The following PLEKHM2 variants were observed in gnomAD, a reference collection of about 807,000 sequenced individuals.
PLEKHM2 encodes the protein pleckstrin homology domain-containing family M member 2.
In PLEKHM2, 77 loss-of-function variants were observed where a neutral mutation model predicts 116.3. That is an observed-to-expected ratio of 0.66 (90% CI 0.55 to 0.80). The LOEUF is 0.80. Ranked by LOEUF, PLEKHM2 falls within the 30% of genes least tolerant of loss-of-function variation. The pLI is 0.00. For missense variants in PLEKHM2, 1,183 were observed against 1,354.9 expected (o/e 0.87, Z 1.99); for synonymous variants, 562 against 571.0 (o/e 0.98, Z 0.22).
In PLEKHM2 at chr1:15,727,188, C is replaced by A. The variant is rs567266704; in HGVS notation, c.1116C>A (p.Pro372=). The A allele has an allele frequency of 6.2e-7, 1 of 1,606,000 alleles. No homozygotes were observed. Among genetic ancestry groups the A allele is most frequent in the South Asian group, 1.1e-5 (1 of 89,952 alleles). The change falls in exon 9 of 20, where the codon CCC becomes CCA. Residue 372 remains proline (P), a synonymous_variant. Transcript: ENST00000375799. This position sits in a 1 kb window ranked among gnomAD's most constrained non-coding sequence, Gnocchi z 7.5. ...CGCCAGACACTATGCTTGCCTCCCCCCAGGAGGAGGGAGAGGGGCCGAGCA... is the reference window on the plus strand; with the variant it reads ...CGCCAGACACTATGCTTGCCTCCCCACAGGAGGAGGGAGAGGGGCCGAGCA... ...RDSPDTMLAS[P]QEEGEGPSST...
At chr1:15,722,409 T>G (rs1207818152) in intron 7 of PLEKHM2, among the ~76,000 whole-genome samples, 1 of 152,164 alleles carries the variant, frequency 6.6e-6, no homozygotes, top group Non-Finnish European at 1.5e-5. Flanking sequence ...CCTCTCAAAG[T>G]GTGGGATTAC....
chr1:15,705,010 G>A (rs1473855370), intron 1 of PLEKHM2, among the ~76,000 whole-genome samples: 1 of 151,952 alleles, frequency 6.6e-6, no homozygotes, highest in Non-Finnish European at 1.5e-5. Flanking sequence ...GTTGGGCTGC[G>A]TGGGTGAGGA....
At chr1:15,682,529 G>T (rs78649940), upstream of PLEKHM2, among the ~76,000 whole-genome samples, 26,872 of 151,276 alleles carry the variant, frequency 0.18, 2,492 homozygotes, top group Middle Eastern at 0.24. Context: ...TGAGGCAGGA[G>T]AATCGCTTAA....
chr1:15,693,722 A>G (rs1640934059), intron 1 of PLEKHM2, among the ~76,000 whole-genome samples: 1 of 152,210 alleles, frequency 6.6e-6, no homozygotes, highest in Non-Finnish European at 1.5e-5. Context: ...ATTCCCAGCA[A>G]AACTAAAATT....
intron 1 of PLEKHM2, among the ~76,000 whole-genome samples, chr1:15,700,165 C>A (rs900408088): frequency 4.6e-5 from 7 of 152,138 alleles, no homozygotes; most frequent in Non-Finnish European, 1.0e-4. Context: ...CCTGCAGAGC[C>A]CCATCGCTGA....
chr1:15,730,769 G>A, intron 15 of PLEKHM2, 47 bp downstream of exon 15: 1 of 1,495,158 alleles, frequency 6.7e-7, no homozygotes, highest in Non-Finnish European at 9.1e-7. Flanking sequence ...CCCTGGGGTG[G>A]CTGGGCTGTC....
Position 15,728,519 on chromosome 1 carries a change from T to TG in PLEKHM2, c.1922-146dup. The TG allele has an allele frequency of 2.1e-6, 2 of 944,366 alleles. No individual in the cohort carries two copies. Among genetic ancestry groups the TG allele is most frequent in the South Asian group, 3.1e-5 (2 of 64,324 alleles). 58.5% of individuals were successfully genotyped at this position (944,366 alleles called of 1,614,324 possible). ...TGCCAGCAGCCCTGAGACGTGAGCC[T>TG]GGGGCTCCCTCTGTGAGCACTCCAC... On this transcript the variant is annotated intron_variant, in intron 11 of 19. Transcript: ENST00000375799. The surrounding 1 kb of genome is among the most constrained non-coding windows in gnomAD (Gnocchi z 5.9).
At chr1:15,702,708 G>T (rs556109812) in intron 1 of PLEKHM2, among the ~76,000 whole-genome samples, 9 of 145,306 alleles carry the variant, frequency 6.2e-5, no homozygotes, top group Non-Finnish European at 1.0e-4. Flanking sequence ...ATAAGCCACC[G>T]TGCCCAGCCT....
chr1:15,717,803 G>T (rs749982561), intron 3 of PLEKHM2, 90 bp from the exon 4 acceptor site: 2 of 810,592 alleles, frequency 2.5e-6, no homozygotes, highest in Non-Finnish European at 4.1e-6. Context: ...CCCATTACCT[G>T]CTCTTTCTTT....
chr1:15,732,196 G>C, intron 17 of PLEKHM2, 148 bp downstream of exon 17: 1 of 930,756 alleles, frequency 1.1e-6, no homozygotes, highest in Non-Finnish European at 1.6e-6. Context: ...CTGGAGCTCA[G>C]AGGCATCACC....
In PLEKHM2 at chr1:15,732,610, A is replaced by G. The variant is rs1447936371; in HGVS notation, c.2806-2A>G. 8 of 1,599,320 alleles carry G rather than the reference A, an allele frequency of 5.0e-6. No homozygotes were observed. Among genetic ancestry groups the G allele is most frequent in the Non-Finnish European group, 6.8e-6 (8 of 1,172,942 alleles). On this transcript the variant is annotated splice_acceptor_variant, in intron 18 of 19. Transcript: ENST00000375799. LOFTEE classifies it high-confidence loss of function. ...CTCACCCGGGGGCCTGGCTCTCCCT[A>G]GGAGTTCTCCCAGGACAGCCAGCAG... is the stretch of plus-strand genomic sequence containing the variant.
In PLEKHM2 at chr1:15,716,814, G is replaced by T. The variant is rs781052630; in HGVS notation, c.275G>T (p.Arg92Leu). 1.3e-6 allele frequency: 2 copies of T among 1,559,558 alleles called. No homozygotes were observed. Among genetic ancestry groups the T allele is most frequent in the Non-Finnish European group, 1.7e-6 (2 of 1,151,570 alleles). The part of the protein sequence containing the change: ...VLQHVATNLG[R>L]SRAWLYLALN... ...CAGCACGTGGCCACCAACCTGGGGC[G>T]CAGTGAGTAGTCACAAGGAGACGCT... Residue 92 changes from arginine (R) to leucine (L), a missense_variant and splice_region_variant, in exon 3 of 20, where the codon CGC (arginine) becomes CTC (leucine). Physicochemically the swap from Arg to Leu is moderately radical, Grantham distance 102. Around this residue, in one of 3 missense-constraint regions of PLEKHM2, gnomAD observed 217 missense variants for 277.6 expected, o/e 0.78. Transcript: ENST00000375799.
At chr1:15,732,203 C>A in intron 17 of PLEKHM2, 147 bp from the exon 18 acceptor site, 1 of 914,080 alleles carries the variant, frequency 1.1e-6, no homozygotes, top group Non-Finnish European at 1.7e-6. Context: ...TCAGAGGCAT[C>A]ACCCCCATCC....
At chr1:15,713,092 C>T (rs377280146) in intron 1 of PLEKHM2, among the ~76,000 whole-genome samples, 11 of 152,198 alleles carry the variant, frequency 7.2e-5, no homozygotes, top group African/African-American at 2.2e-4. Context: ...TGAGCCACCA[C>T]GCCTGGCTAA....
In PLEKHM2 at chr1:15,727,007, G is replaced by A. The variant is rs200670249; in HGVS notation, c.942-7G>A. ...GGTTAACACTCTCCCCGTCGTTACT[G>A]TCCCAGGGTCACCAAGAAGAAGAAA... On this transcript the variant is annotated splice_polypyrimidine_tract_variant and splice_region_variant and intron_variant, in intron 8 of 19. Coordinates refer to ENST00000375799, the MANE Select transcript of PLEKHM2 (RefSeq NM_015164.4). This position sits in a 1 kb window ranked among gnomAD's most constrained non-coding sequence, Gnocchi z 7.5. 6.4e-4 allele frequency: 935 copies of A among 1,464,878 alleles called. 5 individuals carry two copies. The highest frequency in any genetic ancestry group is 5.5e-4 in the Middle Eastern group (3 of 5,462). 90.7% of individuals were successfully genotyped at this position (1,464,878 alleles called of 1,614,324 possible). A position where few individuals can be genotyped will look rare whatever the true frequency, so the allele number is the denominator to read the frequency against.
At position 15,728,252 on chromosome 1, in the gene PLEKHM2, T is replaced by A; in HGVS notation, c.1831-15T>A. 1 of 1,612,880 alleles carries A rather than the reference T, an allele frequency of 6.2e-7. No homozygotes were observed. The highest frequency in any genetic ancestry group is 8.5e-7 in the Non-Finnish European group (1 of 1,179,536). ...AGGAGCCACCTGCCTGACCCTTGTC[T>A]GCTTCGGCCCCCAGATGATCCGGAT... On this transcript the variant is annotated splice_polypyrimidine_tract_variant and intron_variant, in intron 10 of 19. Transcript: ENST00000375799. This position sits in a 1 kb window ranked among gnomAD's most constrained non-coding sequence, Gnocchi z 5.9.
At chr1:15,701,792 A>G (rs1357061873) in intron 1 of PLEKHM2, among the ~76,000 whole-genome samples, 1 of 152,216 alleles carries the variant, frequency 6.6e-6, no homozygotes, top group African/African-American at 2.4e-5. Context: ...ATCCCTCTCA[A>G]AAAAGAAAAG....
intron 4 of PLEKHM2, 113 bp from the exon 5 acceptor site, chr1:15,718,425 C>G: frequency 1.4e-6 from 1 of 697,720 alleles, no homozygotes. Context: ...TGGGTGCCGT[C>G]CAAGGTGGAG....
chr1:15,729,827 G>C lies in PLEKHM2; in HGVS notation c.2106G>C (p.Met702Ile). ...EFFLASLKSA[M>I]IKGCREPPYP... The stretch of plus-strand genomic sequence containing the variant: ...TTTTGGCTTCTTTGAAGTCAGCCAT[G>C]ATCAAAGGCTGTCGAGAACCTCCCT... The change falls in exon 14 of 20, where the codon ATG becomes ATC. Residue 702 changes from methionine to isoleucine, a missense_variant. Physicochemically the swap from Met to Ile is conservative, Grantham distance 10. This residue lies in a region of PLEKHM2 where 594 missense variants were observed against 720.1 expected (regional missense o/e 0.82). Coordinates refer to ENST00000375799, the MANE Select transcript of PLEKHM2 (RefSeq NM_015164.4). The surrounding 1 kb of genome is among the most constrained non-coding windows in gnomAD (Gnocchi z 4.7). 1 of 1,613,216 alleles carries C rather than the reference G, an allele frequency of 6.2e-7. No individual in the cohort carries two copies. The highest frequency in any genetic ancestry group is 1.1e-5 in the South Asian group (1 of 91,040).
Sources: allele counts gnomAD v4.1 joint callset (sites outside exome capture counted in the v4.1 genomes callset), GRCh38; gene constraint gnomAD v4.1.1; regional missense constraint gnomAD v4.1.1; non-coding constraint Gnocchi (gnomAD v3.1); transcripts MANE v1.5; gene names NCBI Gene and HGNC (gene_info 2026-07-23, HGNC 2026-07-21).